The following LHFPL6 variants were observed in gnomAD, a reference collection of about 807,000 sequenced individuals.
LHFPL6 encodes the protein LHFPL tetraspan subfamily member 6 protein.
Under a neutral mutation model 20.6 loss-of-function variants are expected in LHFPL6, and 9 were observed. The ratio of observed to expected loss-of-function variants is 0.44; its 90% CI spans 0.26 to 0.76. The LOEUF is 0.76. LHFPL6 is among the 30% of genes least tolerant of loss of function. The pLI, the probability that LHFPL6 is intolerant of heterozygous loss-of-function variation, is 0.20. For synonymous variants in LHFPL6, 105 were observed against 98.7 expected, an observed-to-expected ratio of 1.06 and a Z score of -0.38; for missense variants, 218 against 253.5, an observed-to-expected ratio of 0.86 and a Z score of 0.95.
intron 2 of LHFPL6, among the ~76,000 whole-genome samples, chr13:39,451,313 T>C (rs1049366428): frequency 6.6e-6 from 1 of 152,178 alleles, no homozygotes; most frequent in Non-Finnish European, 1.5e-5. Context: ...AACTAAGATA[T>C]TGGGTGATTA....
At chr13:39,431,643 C>G (rs1871805702) in intron 2 of LHFPL6, among the ~76,000 whole-genome samples, 1 of 148,656 alleles carries the variant, frequency 6.7e-6, no homozygotes, top group Non-Finnish European at 1.5e-5. Flanking sequence ...CACACACTGT[C>G]TTCTCCATCT....
intron 2 of LHFPL6, among the ~76,000 whole-genome samples, chr13:39,418,497 A>G (rs1871404392): frequency 6.7e-6 from 1 of 149,354 alleles, no homozygotes; most frequent in Admixed American, 6.8e-5. Flanking sequence ...TGTACATTTT[A>G]TCCAGAAATC....
intron 3 of LHFPL6, among the ~76,000 whole-genome samples, chr13:39,365,341 T>G (rs1869984073): frequency 6.6e-6 from 1 of 152,138 alleles, no homozygotes; most frequent in South Asian, 2.1e-4. Flanking sequence ...CTGAATATAC[T>G]CTCTAGGTAT....
At chr13:39,482,343 C>T (rs1486433727) in intron 2 of LHFPL6, among the ~76,000 whole-genome samples, 1 of 151,964 alleles carries the variant, frequency 6.6e-6, no homozygotes, top group Non-Finnish European at 1.5e-5. Flanking sequence ...ACTCAGGAGG[C>T]TGAGGCAGGA....
chr13:39,597,742 T>C (rs951156284), intron 2 of LHFPL6, among the ~76,000 whole-genome samples: 1 of 152,248 alleles, frequency 6.6e-6, no homozygotes, highest in African/African-American at 2.4e-5. Context: ...GAGGTATTCC[T>C]ACTATAGGTA....
intron 2 of LHFPL6, among the ~76,000 whole-genome samples, chr13:39,488,829 C>T (rs550101471): frequency 3.9e-5 from 6 of 151,962 alleles, no homozygotes; most frequent in African/African-American, 9.7e-5. Flanking sequence ...TAGCATAAGA[C>T]GTCAAAAATC....
chr13:39,421,561 T>C (rs1034042505), intron 2 of LHFPL6, among the ~76,000 whole-genome samples: 3 of 152,248 alleles, frequency 2.0e-5, no homozygotes, highest in Non-Finnish European at 4.4e-5. Context: ...AGATGTTTCA[T>C]GATAAAAATT....
At chr13:39,549,452 AAAAACCACAATG>A (rs1555267604) in intron 2 of LHFPL6, among the ~76,000 whole-genome samples, 1 of 152,178 alleles carries the variant, frequency 6.6e-6, no homozygotes, top group Non-Finnish European at 1.5e-5. Context: ...GATACAACAC[AAAAACCACAATG>A]AAATACCATT....
intron 2 of LHFPL6, among the ~76,000 whole-genome samples, chr13:39,508,083 C>T (rs900164611): frequency 6.6e-6 from 1 of 151,632 alleles, no homozygotes; most frequent in African/African-American, 2.4e-5. Context: ...TGCAATGGCG[C>T]CATCTCGGCT....
chr13:39,347,513 G>A (rs1349740972), intron 3 of LHFPL6, among the ~76,000 whole-genome samples: 3 of 152,084 alleles, frequency 2.0e-5, no homozygotes, highest in Non-Finnish European at 2.9e-5. Flanking sequence ...ATGTATTTCC[G>A]GCCTCATCTA....
In LHFPL6 at chr13:39,511,962, T is replaced by A. The variant is rs548392539; in HGVS notation, c.385+88870A>T. Among the ~76,000 whole-genome samples, 107 of 152,348 alleles carry A rather than the reference T, an allele frequency of 7.0e-4. 1 individual carries two copies. Among genetic ancestry groups the A allele is most frequent in the Admixed American group, 2.8e-3 (43 of 15,306 alleles). ...AAGTTATATTTCTTACCCATCCCAG[T>A]AAATGCCTCGAAACATTTTCTGACA... On this transcript the variant is annotated intron_variant, in intron 2 of 3. Coordinates refer to ENST00000379589, the MANE Select transcript of LHFPL6 (RefSeq NM_005780.3).
chr13:39,443,457 G>C (rs989737559), intron 2 of LHFPL6, among the ~76,000 whole-genome samples: 2 of 152,188 alleles, frequency 1.3e-5, no homozygotes, highest in African/African-American at 4.8e-5. Flanking sequence ...TACCTGAAAA[G>C]TGGAAGCAGC....
chr13:39,565,963 G>T (rs766245600), intron 2 of LHFPL6, among the ~76,000 whole-genome samples: 10 of 152,176 alleles, frequency 6.6e-5, no homozygotes, highest in Non-Finnish European at 1.2e-4. Flanking sequence ...CAGAAAAACA[G>T]TAAGGACATT....
intron 2 of LHFPL6, among the ~76,000 whole-genome samples, chr13:39,464,760 T>C (rs999211952): frequency 6.6e-6 from 1 of 150,980 alleles, no homozygotes; most frequent in Admixed American, 6.6e-5. Flanking sequence ...ATTTGGTTAC[T>C]ATAGAAATAA....
chr13:39,401,814 C>T (rs1870997638), intron 2 of LHFPL6, among the ~76,000 whole-genome samples: 1 of 152,200 alleles, frequency 6.6e-6, no homozygotes, highest in Admixed American at 6.5e-5. Flanking sequence ...CAATTAGCTG[C>T]TCCCCAGTAA....
chr13:39,483,321 C>T (rs1190129281), intron 2 of LHFPL6, among the ~76,000 whole-genome samples: 4 of 152,048 alleles, frequency 2.6e-5, no homozygotes. Context: ...AAGGCTTGTG[C>T]TTGGAGCAAG....
chr13:39,577,676 C>T (rs772388057), intron 2 of LHFPL6, among the ~76,000 whole-genome samples: 4 of 152,004 alleles, frequency 2.6e-5, no homozygotes, highest in African/African-American at 4.8e-5. Flanking sequence ...CTGTCGCCCA[C>T]GCTAGAATGT....
intron 2 of LHFPL6, among the ~76,000 whole-genome samples, chr13:39,540,584 T>A (rs972904332): frequency 6.6e-6 from 1 of 152,208 alleles, no homozygotes; most frequent in Non-Finnish European, 1.5e-5. Context: ...TAGGAATATC[T>A]GTAATCTGCT....
chr13:39,378,371 G>T, intron 3 of LHFPL6, 57 bp downstream of exon 3: 1 of 1,425,328 alleles, frequency 7.0e-7, no homozygotes, highest in Non-Finnish European at 9.9e-7. Context: ...CTGCTTCTAT[G>T]AAACATCAGA....
Sources: allele counts gnomAD v4.1 joint callset (sites outside exome capture counted in the v4.1 genomes callset), GRCh38; gene constraint gnomAD v4.1.1; transcripts MANE v1.5; gene names NCBI Gene and HGNC (gene_info 2026-07-23, HGNC 2026-07-21).